The following EHMT2 variants were observed in gnomAD, a reference collection of about 807,000 sequenced individuals.
EHMT2 encodes the protein euchromatic histone lysine methyltransferase 2.
In EHMT2, 59 loss-of-function variants were observed where a neutral mutation model predicts 143.3. The observed-to-expected ratio is 0.41, with a 90% CI of 0.33 to 0.51. The LOEUF (loss-of-function observed/expected upper bound fraction) is 0.51. Ranked by LOEUF, EHMT2 falls within the 20% of genes least tolerant of loss-of-function variation. The probability of loss-of-function intolerance (pLI) is 0.18; values close to 1 mark genes in which losing one functional copy is unlikely to be tolerated. For synonymous variants in EHMT2, 604 were observed against 651.5 expected (o/e 0.93, Z 1.11); for missense variants, 1,174 against 1,645.9 (o/e 0.71, Z 4.96).
rs780430480 is a variant in EHMT2 at position 31,896,485 on chromosome 6, G to A, written c.360C>T (p.Pro120=). ...GGCTAGGACAGGAACCCCCCTTGCT[G>A]GGGGAAGAGGGGAATGACTTTGTGG... The change falls in exon 4 of 28, where the codon CCC becomes CCT. Residue 120 remains proline, a synonymous_variant. Transcript: ENST00000375537. The A allele has an allele frequency of 1.1e-4, 183 of 1,613,008 alleles. 2 individuals are homozygous for A. In the South Asian group the frequency reaches 1.9e-3, roughly 17 times the overall value.
In EHMT2 at chr6:31,880,292, G is replaced by A. The variant is rs1034605511; in HGVS notation, c.3453-28C>T. ...GTCAGAGGAAAACAGGAGCTTGTGG[G>A]ACCTGGACCCAGCCACCAAGAGCCC... On this transcript the variant is annotated intron_variant, in intron 27 of 27. Transcript: ENST00000375537. The surrounding 1 kb of genome is among the most constrained non-coding windows in gnomAD (Gnocchi z 6.6). 6.3e-7 allele frequency: 1 copy of A among 1,597,778 alleles called. No homozygotes were observed.
rs1263771093 is a variant in EHMT2 at position 31,883,982 on chromosome 6, C to T, written c.2772-32G>A. 6.2e-7 allele frequency: 1 copy of T among 1,607,114 alleles called. No homozygotes were observed. The highest frequency in any genetic ancestry group is 1.1e-5 in the South Asian group (1 of 90,752). On this transcript the variant is annotated intron_variant, in intron 21 of 27. Coordinates refer to ENST00000375537, the Ensembl canonical transcript of EHMT2. This position sits in a 1 kb window ranked among gnomAD's most constrained non-coding sequence, Gnocchi z 5.6. ...AAGACGGGAAGAAGGGGCTGGGAAG[C>T]TGGAAAAGGGGGTGAGGAGCTACTC... is the stretch of plus-strand genomic sequence containing the variant.
chr6:31,889,347 G>A lies in EHMT2; in HGVS notation c.1000-5C>T. The stretch of plus-strand genomic sequence containing the variant: ...GCGCCGGCCACTGGAACCACTCTGG[G>A]AAGGGGGAGGAGGAGGAGTTAGGAA... On this transcript the variant is annotated splice_polypyrimidine_tract_variant and splice_region_variant and intron_variant, in intron 8 of 27. Coordinates refer to ENST00000375537, the Ensembl canonical transcript of EHMT2. This position sits in a 1 kb window ranked among gnomAD's most constrained non-coding sequence, Gnocchi z 5.1. The A allele has an allele frequency of 6.2e-7, 1 of 1,611,680 alleles. No homozygotes were observed. Among genetic ancestry groups the A allele is most frequent in the South Asian group, 1.1e-5 (1 of 91,060 alleles).
At chr6:31,891,364 C>T (rs988721250) in intron 7 of EHMT2, among the ~76,000 whole-genome samples, 2 of 152,068 alleles carry the variant, frequency 1.3e-5, no homozygotes, top group Non-Finnish European at 2.9e-5. Context: ...ATTAAGAAAT[C>T]GGTAAGTTTT....
chr6:31,890,290 CTT>C (rs1294637296), intron 7 of EHMT2, among the ~76,000 whole-genome samples: 1 of 152,042 alleles, frequency 6.6e-6, no homozygotes, highest in Non-Finnish European at 1.5e-5. Context: ...GAGTTTTGCT[CTT>C]GTTGCCCAGG....
In EHMT2 at chr6:31,883,315, T is replaced by A; in HGVS notation, c.2994+47A>T. 1 of 1,593,496 alleles carries A rather than the reference T, an allele frequency of 6.3e-7. No individual in the cohort carries two copies. Among genetic ancestry groups the A allele is most frequent in the Non-Finnish European group, 8.6e-7 (1 of 1,163,628 alleles). On this transcript the variant is annotated intron_variant, in intron 23 of 27. Transcript: ENST00000375537. The surrounding 1 kb of genome is among the most constrained non-coding windows in gnomAD (Gnocchi z 5.6). Reference sequence around the variant, plus strand: ...AGCTGGTTTATTGGAGGCTGGCTCCTCTGAAGGAGGGGCCGGGTGTCTGTG... The same window carrying A: ...AGCTGGTTTATTGGAGGCTGGCTCCACTGAAGGAGGGGCCGGGTGTCTGTG...
In EHMT2 at chr6:31,883,629, A is replaced by G; in HGVS notation, c.2916+177T>C. On this transcript the variant is annotated intron_variant, in intron 22 of 27. Transcript: ENST00000375537. This position sits in a 1 kb window ranked among gnomAD's most constrained non-coding sequence, Gnocchi z 5.6. ...CCCAGGGCTACTGGGAGCTCATATGATACCTTGCTGTGACCTAGGAAAAGG... is the reference window on the plus strand; with the variant it reads ...CCCAGGGCTACTGGGAGCTCATATGGTACCTTGCTGTGACCTAGGAAAAGG... 1 of 1,067,884 alleles carries G rather than the reference A, an allele frequency of 9.4e-7. No individual in the cohort carries two copies. The highest frequency in any genetic ancestry group is 1.4e-6 in the Non-Finnish European group (1 of 720,700). 66.2% of individuals were successfully genotyped at this position (1,067,884 alleles called of 1,614,324 possible). A position where few individuals can be genotyped will look rare whatever the true frequency, so the allele number is the denominator to read the frequency against.
Position 31,883,919 on chromosome 6 carries a change from T to G in EHMT2, c.2803A>C (p.Ile935Leu). ...CCATCCACACCGTTGACACAGGGAA[T>G]GGGCACGTTCTCATAGCCCCGAGCC... Residue 935 changes from isoleucine to leucine, a missense_variant, in exon 22 of 28, where the codon ATT becomes CTT. Coordinates refer to ENST00000375537, the Ensembl canonical transcript of EHMT2. The surrounding 1 kb of genome is among the most constrained non-coding windows in gnomAD (Gnocchi z 5.6). 1 of 1,613,692 alleles carries G rather than the reference T, an allele frequency of 6.2e-7. No individual in the cohort carries two copies. Among genetic ancestry groups the G allele is most frequent in the Non-Finnish European group, 8.5e-7 (1 of 1,179,890 alleles).
rs142405037 is a variant in EHMT2, at chr6:31,888,767, G to A, written c.1217-20C>T. ...ACACCCCTTGGATGGAGGAAAAGAG[G>A]AGCTGAGGGAGGCTCTGCACCTCAC... is the stretch of plus-strand genomic sequence containing the variant. On this transcript the variant is annotated intron_variant, in intron 10 of 27. Coordinates refer to ENST00000375537, the Ensembl canonical transcript of EHMT2. The surrounding 1 kb of genome is among the most constrained non-coding windows in gnomAD (Gnocchi z 7.4). The A allele has an allele frequency of 3.5e-3, 5,668 of 1,610,616 alleles. 22 individuals are homozygous for A. The highest frequency in any genetic ancestry group is 0.018 in the Middle Eastern group (102 of 5,710).
In EHMT2 at chr6:31,888,824, C is replaced by A; in HGVS notation, c.1217-77G>T. Reference sequence around the variant, plus strand: ...GGACCCCTGGCGGGTCCTCTCACTCCCTCCCTACCCCACCCCGCCATGCCC... The same window carrying A: ...GGACCCCTGGCGGGTCCTCTCACTCACTCCCTACCCCACCCCGCCATGCCC... On this transcript the variant is annotated intron_variant, in intron 10 of 27. Transcript: ENST00000375537. This position sits in a 1 kb window ranked among gnomAD's most constrained non-coding sequence, Gnocchi z 7.4. 2 of 1,555,324 alleles carry A rather than the reference C, an allele frequency of 1.3e-6. No homozygotes were observed. The highest frequency in any genetic ancestry group is 1.7e-6 in the Non-Finnish European group (2 of 1,148,976).
Position 31,888,532 on chromosome 6 carries a change from A to G in EHMT2, c.1366-26T>C. 6.2e-7 allele frequency: 1 copy of G among 1,610,562 alleles called. No individual in the cohort carries two copies. The highest frequency in any genetic ancestry group is 2.2e-5 in the East Asian group (1 of 44,816). On this transcript the variant is annotated intron_variant, in intron 11 of 27. Transcript: ENST00000375537. This position sits in a 1 kb window ranked among gnomAD's most constrained non-coding sequence, Gnocchi z 7.4. The stretch of plus-strand genomic sequence containing the variant: ...CTGTGCGCAGTGAGGATGGGTGAGA[A>G]GAGAGCGTGAGGCTGGGGCCGGGGA...
rs1315669431 is a variant in EHMT2, at chr6:31,884,545, C to T, written c.2618G>A (p.Arg873His). The T allele has an allele frequency of 6.2e-7, 1 of 1,612,766 alleles. No individual in the cohort carries two copies. The highest frequency in any genetic ancestry group is 8.5e-7 in the Non-Finnish European group (1 of 1,179,968). ...GTTCCGCAGCTCAGGGTTGGCCCCA[C>T]GTGACAGGAATAACCTGAAGAGGGG... Residue 873 changes from arginine to histidine, a missense_variant, in exon 21 of 28, where the codon CGT becomes CAT. Physicochemically the swap from Arg to His is conservative, Grantham distance 29. This residue lies in a region of EHMT2 where 608 missense variants were observed against 903.7 expected (regional missense o/e 0.67). Transcript: ENST00000375537. This position sits in a 1 kb window ranked among gnomAD's most constrained non-coding sequence, Gnocchi z 7.3.
At position 31,897,632 on chromosome 6, in the gene EHMT2, G is replaced by C; in HGVS notation, c.42+4C>G. 1 of 1,151,164 alleles carries C rather than the reference G, an allele frequency of 8.7e-7. No homozygotes were observed. The highest frequency in any genetic ancestry group is 1.1e-6 in the Non-Finnish European group (1 of 936,114). 71.3% of individuals were successfully genotyped at this position (1,151,164 alleles called of 1,614,324 possible). A position where few individuals can be genotyped will look rare whatever the true frequency, so the allele number is the denominator to read the frequency against. ...CACCCGCCTCTCCCCCTCCCCTTCC[G>C]CACCTCGGCGGCCGCCGCCGCTGCA... is the stretch of plus-strand genomic sequence containing the variant. On this transcript the variant is annotated splice_donor_region_variant and intron_variant, in intron 1 of 27. Transcript: ENST00000375537.
rs1764400970 is a variant in EHMT2 at position 31,883,568 on chromosome 6, G to A, written c.2917-129C>T. 1.3e-5 allele frequency: 14 copies of A among 1,059,924 alleles called. No individual in the cohort carries two copies. The South Asian group carries it at 1.6e-4, about 12-fold the overall frequency. The allele number at this position is 1,059,924 out of a possible 1,614,324, so 65.7% of individuals were successfully genotyped here. A position where few individuals can be genotyped will look rare whatever the true frequency, so the allele number is the denominator to read the frequency against. ...ATGTGTTACAACAGTGGGTGGTGAT[G>A]GTCCTAGGGTGACGGGTAATCAGTA... On this transcript the variant is annotated intron_variant, in intron 22 of 27. Transcript: ENST00000375537. The surrounding 1 kb of genome is among the most constrained non-coding windows in gnomAD (Gnocchi z 5.6).
chr6:31,894,872 C>T (rs1038387640), intron 4 of EHMT2, among the ~76,000 whole-genome samples: 5 of 151,924 alleles, frequency 3.3e-5, no homozygotes, highest in Admixed American at 6.6e-5. Context: ...AGGCTGGTCT[C>T]GAACTCCTGA....
rs1174269626 is a variant in EHMT2, at chr6:31,888,612, C to A, written c.1352G>T (p.Ser451Ile). The change falls in exon 11 of 28, where the codon AGT (serine) becomes ATT (isoleucine). Residue 451 changes from serine to isoleucine, a missense_variant. By Grantham distance (142) the Ser-to-Ile change is moderately radical. Around this residue, in one of 6 missense-constraint regions of EHMT2, gnomAD observed 608 missense variants for 903.7 expected, o/e 0.67. Transcript: ENST00000375537. The surrounding 1 kb of genome is among the most constrained non-coding windows in gnomAD (Gnocchi z 7.4). ...CCACGGCCCCACCTCTCCGTCCACA[C>A]TCTCAGTGGCCATGCACTTGTGCCC... The A allele has an allele frequency of 6.2e-7, 1 of 1,612,984 alleles. No individual in the cohort carries two copies. The highest frequency in any genetic ancestry group is 1.3e-5 in the African/African-American group (1 of 74,910).
chr6:31,892,851 G>A lies in EHMT2; in HGVS notation c.642C>T (p.Val214=), dbSNP rs750117834. 3.1e-6 allele frequency: 5 copies of A among 1,604,718 alleles called. No individual in the cohort carries two copies. In the African/African-American group the frequency reaches 5.3e-5, roughly 17 times the overall value. Residue 214 remains valine, a synonymous_variant, in exon 5 of 28, where the codon GTC becomes GTT. Coordinates refer to ENST00000375537, the Ensembl canonical transcript of EHMT2. ...CTGAGGTCACCTTTCCCAGTGAGTG[G>A]ACATCATCACTCATGCGGAAATGCT...
intron 1 of EHMT2, 93 bp from the exon 2 acceptor site, chr6:31,897,082 TC>T: frequency 6.7e-7 from 1 of 1,483,670 alleles, no homozygotes; most frequent in Non-Finnish European, 8.9e-7. Flanking sequence ...GAGAGTAGGC[TC>T]CGGGGCCTAC....
In EHMT2 at chr6:31,897,178, C is replaced by T. The variant is rs1450262782; in HGVS notation, c.43-189G>A. On this transcript the variant is annotated intron_variant, in intron 1 of 27. Coordinates refer to ENST00000375537, the Ensembl canonical transcript of EHMT2. ...CCCCTCCCCCGGGCCCGCATCAACC[C>T]CCTCCCTCTCGGTAGACCCCGCATC... 6 of 1,315,430 alleles carry T rather than the reference C, an allele frequency of 4.6e-6. No homozygotes were observed. In the African/African-American group the frequency reaches 6.2e-5, roughly 14 times the overall value. 81.5% of individuals were successfully genotyped at this position (1,315,430 alleles called of 1,614,324 possible). A position where few individuals can be genotyped will look rare whatever the true frequency, so the allele number is the denominator to read the frequency against.
Sources: gnomAD v4.1 joint callset for allele counts (sites outside exome capture counted in the v4.1 genomes callset) on GRCh38, gnomAD v4.1.1 for gene constraint, gnomAD v4.1.1 regional missense constraint, Gnocchi (gnomAD v3.1) non-coding constraint, MANE v1.5 for transcripts, NCBI Gene and HGNC (gene_info 2026-07-23, HGNC 2026-07-21) for gene names.